Variants in MORC3 observed in about 807,000 individuals in gnomAD.
MORC3 encodes MORC family CW-type zinc finger 3.
A neutral mutation model predicts 109.1 loss-of-function variants in MORC3; 31 were observed. The ratio of observed to expected loss-of-function variants is 0.28; its 90% CI spans 0.21 to 0.38. MORC3 has a LOEUF of 0.38. Ranked by LOEUF, MORC3 falls within the 10% of genes least tolerant of loss-of-function variation. The pLI is 1.00. For synonymous variants in MORC3, 395 were observed against 380.7 expected (o/e 1.04, Z -0.44); for missense variants, 867 against 1,135.8 (o/e 0.76, Z 3.40).
chr21:36,320,391 TGTG>T (rs2085176970), intron 1 of MORC3, 88 bp downstream of exon 1: 1 of 1,191,012 alleles, frequency 8.4e-7, no homozygotes, highest in Non-Finnish European at 1.1e-6. Context: ...GGTGGCGGCT[TGTG>T]GGGCCGACGC....
In MORC3 at chr21:36,363,270, AT is replaced by A. The variant is rs532932567; in HGVS notation, c.1453-822del. On this transcript the variant is annotated intron_variant, in intron 13 of 16. Transcript: ENST00000400485. Reference sequence around the variant, plus strand: ...CCTGTCTCTACTAAAAATATAAAAAATAATGTGGTGGCAGGCACTTGTAATT... The same window carrying A: ...CCTGTCTCTACTAAAAATATAAAAAAAATGTGGTGGCAGGCACTTGTAATT... 1.9e-3 allele frequency among the ~76,000 whole-genome samples: 284 copies of A among 152,228 alleles called. 1 individual carries two copies. Among genetic ancestry groups the A allele is most frequent in the African/African-American group, 6.2e-3 (258 of 41,526 alleles).
At chr21:36,356,773 G>A in intron 10 of MORC3, 49 bp downstream of exon 10, 1 of 1,182,932 alleles carries the variant, frequency 8.5e-7, no homozygotes, top group Non-Finnish European at 1.2e-6. Flanking sequence ...TCAAGATGTG[G>A]TATTAGAGAG....
At chr21:36,373,213 G>A (rs539981086) in intron 16 of MORC3, among the ~76,000 whole-genome samples, 194 of 151,674 alleles carry the variant, frequency 1.3e-3, no homozygotes, top group African/African-American at 4.5e-3. Context: ...GGTGGCAGGC[G>A]CCTGTAGTCC....
intron 1 of MORC3, among the ~76,000 whole-genome samples, chr21:36,327,309 A>G (rs1470450637): frequency 6.7e-6 from 1 of 149,862 alleles, no homozygotes; most frequent in Non-Finnish European, 1.5e-5. Flanking sequence ...GGCGCTCACC[A>G]CCACACCTGG....
At chr21:36,321,179 T>C (rs185348752) in intron 1 of MORC3, among the ~76,000 whole-genome samples, 4 of 152,330 alleles carry the variant, frequency 2.6e-5, no homozygotes, top group Admixed American at 1.3e-4. Context: ...ACGTAGTGAA[T>C]AATTGGTGCA....
intron 10 of MORC3, 48 bp downstream of exon 10, chr21:36,356,772 G>A (rs2085650460): frequency 1.3e-5 from 16 of 1,215,108 alleles, no homozygotes; most frequent in Admixed American, 2.1e-5. Flanking sequence ...ATCAAGATGT[G>A]GTATTAGAGA....
At chr21:36,344,148 G>A (rs963718411) in intron 6 of MORC3, among the ~76,000 whole-genome samples, 2 of 149,984 alleles carry the variant, frequency 1.3e-5, no homozygotes, top group African/African-American at 5.0e-5. Context: ...TTTTTGAGGT[G>A]GGGGGGTCTC....
At chr21:36,347,428 G>A (rs767887068) in intron 8 of MORC3, among the ~76,000 whole-genome samples, 2 of 152,100 alleles carry the variant, frequency 1.3e-5, no homozygotes, top group African/African-American at 4.8e-5. Context: ...AGTTAAATTT[G>A]TACTGTACAT....
chr21:36,359,944 T>G lies in MORC3; in HGVS notation c.1209-11T>G. 8 of 1,614,008 alleles carry G rather than the reference T, an allele frequency of 5.0e-6. No homozygotes were observed. The highest frequency in any genetic ancestry group is 5.9e-6 in the Non-Finnish European group (7 of 1,179,928). The stretch of plus-strand genomic sequence containing the variant: ...TTTCTGTGTTAATATTTTGTTCTTG[T>G]TTTGGGACAGGAAGCGTCCTGATCA... On this transcript the variant is annotated splice_polypyrimidine_tract_variant and intron_variant, in intron 10 of 16. Transcript: ENST00000400485.
intron 15 of MORC3, among the ~76,000 whole-genome samples, chr21:36,372,153 AGTG>A (rs1317126914): frequency 6.6e-6 from 1 of 151,910 alleles, no homozygotes; most frequent in Non-Finnish European, 1.5e-5. Context: ...TTTTAAATCA[AGTG>A]GTAATATGTT....
At chr21:36,331,612 A>AAAACAAAC (rs55870244) in intron 1 of MORC3, among the ~76,000 whole-genome samples, 3 of 151,092 alleles carry the variant, frequency 2.0e-5, no homozygotes, top group Admixed American at 1.3e-4. Context: ...AAAAAAACAA[A>AAAACAAAC]AAACAAACAA....
intron 1 of MORC3, among the ~76,000 whole-genome samples, chr21:36,331,210 C>T (rs541226003): frequency 3.9e-5 from 6 of 152,206 alleles, no homozygotes; most frequent in East Asian, 1.9e-4. Context: ...CCTTTTTTCC[C>T]CTTATTAGGA....
intron 2 of MORC3, 52 bp downstream of exon 2, chr21:36,333,770 TTTTTTTTTGTTTTGTTTTG>T (rs774361393): frequency 7.2e-7 from 1 of 1,392,696 alleles, no homozygotes; most frequent in African/African-American, 1.5e-5. Context: ...TTGTAGTGTT[TTTTTTTTTGTTTTGTTTTG>T]TTTTTTTTTT....
chr21:36,374,651 C>T lies in MORC3; in HGVS notation c.2667-492C>T, dbSNP rs117046236. 6.8e-3 allele frequency among the ~76,000 whole-genome samples: 1,028 copies of T among 152,054 alleles called. 9 individuals are homozygous for T. The highest frequency in any genetic ancestry group is 0.014 in the Admixed American group (208 of 15,256). ...ACAAATAATAATAATAAAAATTAAC[C>T]GGGCATGGTGGTGTGGGCCTGTGCT... On this transcript the variant is annotated intron_variant, in intron 16 of 16. Coordinates refer to ENST00000400485, the MANE Select transcript of MORC3 (RefSeq NM_015358.3).
intron 6 of MORC3, among the ~76,000 whole-genome samples, chr21:36,343,449 CTT>C (rs147660327): frequency 0.47 from 59,487 of 125,692 alleles, 12,998 homozygotes; most frequent in Middle Eastern, 0.63. Flanking sequence ...TTTTTGCTTT[CTT>C]TTTTTTTTTT....
In MORC3 at chr21:36,375,443, CA is replaced by C; in HGVS notation, c.*150del. The C allele has an allele frequency of 2.9e-6, 2 of 696,890 alleles. No individual in the cohort carries two copies. The highest frequency in any genetic ancestry group is 4.5e-6 in the Non-Finnish European group (2 of 443,216). The allele number at this position is 696,890 out of a possible 1,614,324, so 43.2% of individuals were successfully genotyped here. ...TATTCTATGCATTCAAATGTGGTCA[CA>C]AATATTGTGGACACATTATCTTATG... is the stretch of plus-strand genomic sequence containing the variant. On this transcript the variant is annotated 3_prime_UTR_variant, in exon 17 of 17. Transcript: ENST00000400485.
At chr21:36,342,711 G>A (rs117533159) in intron 6 of MORC3, among the ~76,000 whole-genome samples, 1 of 151,656 alleles carries the variant, frequency 6.6e-6, no homozygotes, top group Non-Finnish European at 1.5e-5. Context: ...GTCAAAATGA[G>A]TATCTGTTTA....
At chr21:36,349,278 G>C in intron 8 of MORC3, 33 bp from the exon 9 acceptor site, 1 of 1,444,678 alleles carries the variant, frequency 6.9e-7, no homozygotes, top group Non-Finnish European at 9.7e-7. Context: ...CATGTCTTAT[G>C]CTTAAAATGC....
intron 1 of MORC3, among the ~76,000 whole-genome samples, chr21:36,323,779 T>A (rs2085218171): frequency 6.6e-6 from 1 of 152,172 alleles, no homozygotes; most frequent in Non-Finnish European, 1.5e-5. Flanking sequence ...ATTTTGACAA[T>A]TTTCTTCGCA....
Sources: allele counts gnomAD v4.1 joint callset (sites outside exome capture counted in the v4.1 genomes callset), GRCh38; gene constraint gnomAD v4.1.1; transcripts MANE v1.5; gene names NCBI Gene and HGNC (gene_info 2026-07-23, HGNC 2026-07-21).